Variants in IQCM observed in about 807,000 individuals in gnomAD.
IQCM encodes IQ domain-containing protein M.
Under a neutral mutation model 57.6 loss-of-function variants are expected in IQCM, and 45 were observed. The observed-to-expected ratio is 0.78, with a 90% confidence interval of 0.62 to 1.00. IQCM has a LOEUF of 1.00. IQCM is among the 50% of genes least tolerant of loss of function. IQCM has a pLI of 0.00. For missense variants in IQCM, 468 were observed against 511.6 expected (o/e 0.91, Z 0.82); for synonymous variants, 148 against 158.9 (o/e 0.93, Z 0.51).
intron 12 of IQCM, among the ~76,000 whole-genome samples, chr4:149,459,379 A>C (rs1020016991): frequency 4.6e-5 from 7 of 152,352 alleles, no homozygotes; most frequent in South Asian, 4.1e-4. Flanking sequence ...ACAGTGAAGA[A>C]GTAATTGCAA....
At chr4:149,786,681 T>C (rs1175832680) in intron 2 of IQCM, among the ~76,000 whole-genome samples, 1 of 152,030 alleles carries the variant, frequency 6.6e-6, no homozygotes, top group African/African-American at 2.4e-5. Context: ...CAGGAAACAA[T>C]AGATGCTGGC....
At chr4:149,675,667 G>C (rs778047306) in intron 7 of IQCM, among the ~76,000 whole-genome samples, 3 of 152,020 alleles carry the variant, frequency 2.0e-5, no homozygotes, top group Non-Finnish European at 4.4e-5. Flanking sequence ...TAGGTGTCTT[G>C]TGGAGACTGA....
At chr4:149,482,757 CTT>C (rs1236906809) in intron 12 of IQCM, among the ~76,000 whole-genome samples, 1 of 148,400 alleles carries the variant, frequency 6.7e-6, no homozygotes, top group Non-Finnish European at 1.5e-5. Flanking sequence ...TTTAATGTGT[CTT>C]TGGTTTTGGT....
intron 12 of IQCM, among the ~76,000 whole-genome samples, chr4:149,517,033 TG>T (rs1434639718): frequency 2.8e-5 from 4 of 142,830 alleles, no homozygotes; most frequent in Non-Finnish European, 4.5e-5. Flanking sequence ...TTAAGGTCAA[TG>T]GGAAACTACA....
intron 8 of IQCM, among the ~76,000 whole-genome samples, chr4:149,595,843 C>T (rs983160176): frequency 4.6e-5 from 7 of 152,132 alleles, no homozygotes; most frequent in Admixed American, 3.9e-4. Flanking sequence ...GCCAGACCAG[C>T]CTCCACTTTG....
chr4:149,789,402 T>C (rs1772369472), intron 2 of IQCM, among the ~76,000 whole-genome samples: 2 of 152,210 alleles, frequency 1.3e-5, no homozygotes, highest in African/African-American at 4.8e-5. Context: ...CCCCAATTCC[T>C]TCCAGTATCA....
intron 7 of IQCM, among the ~76,000 whole-genome samples, chr4:149,679,710 C>T (rs1237366323): frequency 6.6e-6 from 1 of 150,978 alleles, no homozygotes; most frequent in African/African-American, 2.4e-5. Flanking sequence ...TTACCATATA[C>T]CCCAGGGAAA....
intron 7 of IQCM, among the ~76,000 whole-genome samples, chr4:149,656,847 C>A (rs1759681326): frequency 1.3e-5 from 2 of 151,934 alleles, no homozygotes; most frequent in South Asian, 4.1e-4. Flanking sequence ...AACTTAACTA[C>A]AAAAAAGTTC....
At chr4:149,373,787 T>C (rs902910260) in intron 13 of IQCM, among the ~76,000 whole-genome samples, 1 of 152,112 alleles carries the variant, frequency 6.6e-6, no homozygotes, top group African/African-American at 2.4e-5. Context: ...GGCCATCTTT[T>C]AGATCTAGAA....
chr4:149,628,544 T>A (rs1757001574), intron 7 of IQCM, among the ~76,000 whole-genome samples: 1 of 151,864 alleles, frequency 6.6e-6, no homozygotes, highest in Admixed American at 6.6e-5. Flanking sequence ...AGATTATAGA[T>A]TAAAGAGCAC....
At chr4:149,703,144 C>A (rs947217754) in intron 5 of IQCM, among the ~76,000 whole-genome samples, 25 of 151,920 alleles carry the variant, frequency 1.6e-4, no homozygotes, top group African/African-American at 6.0e-4. Context: ...TTTACATTTG[C>A]AACTTTCTCT....
At position 149,354,121 on chromosome 4, in the gene IQCM, T is replaced by C. The variant is rs555480255; in HGVS notation, c.1391-2055A>G. On this transcript the variant is annotated intron_variant, in intron 13 of 13. Transcript: ENST00000636793. ...GGCTCACGCCTGTAATCCCAGCACT[T>C]TGGGAGGCCGAGGCGGGTGGATCAC... is the stretch of plus-strand genomic sequence containing the variant. Among the ~76,000 whole-genome samples the C allele has an allele frequency of 2.4e-4, 36 of 151,728 alleles. No individual in the cohort carries two copies. In the East Asian group the frequency reaches 3.1e-3, roughly 13 times the overall value.
chr4:149,490,913 C>T (rs770999157), intron 12 of IQCM, among the ~76,000 whole-genome samples: 41 of 152,116 alleles, frequency 2.7e-4, no homozygotes, highest in Non-Finnish European at 5.0e-4. Context: ...TGACAGTAGC[C>T]TATGAGGAAA....
chr4:149,431,879 T>C (rs763875320), intron 13 of IQCM, among the ~76,000 whole-genome samples: 1 of 151,824 alleles, frequency 6.6e-6, no homozygotes, highest in African/African-American at 2.4e-5. Flanking sequence ...CATTCACCAG[T>C]TGAAGAACAG....
chr4:149,688,242 T>C (rs1762689850), intron 5 of IQCM, among the ~76,000 whole-genome samples: 2 of 151,856 alleles, frequency 1.3e-5, no homozygotes, highest in South Asian at 2.1e-4. Context: ...GATAAAAAAA[T>C]TTCAGCAAAG....
intron 12 of IQCM, among the ~76,000 whole-genome samples, chr4:149,519,968 G>A (rs1200794508): frequency 6.6e-6 from 1 of 152,144 alleles, no homozygotes; most frequent in African/African-American, 2.4e-5. Context: ...TCACGCCACT[G>A]CACTCCAGCC....
intron 2 of IQCM, among the ~76,000 whole-genome samples, chr4:149,759,644 T>C (rs186206068): frequency 4.6e-5 from 7 of 152,206 alleles, no homozygotes; most frequent in African/African-American, 1.7e-4. Flanking sequence ...AAAACTTCTC[T>C]TAAAAAATTA....
At chr4:149,702,239 A>G (rs1189923544) in intron 5 of IQCM, among the ~76,000 whole-genome samples, 1 of 151,490 alleles carries the variant, frequency 6.6e-6, no homozygotes, top group Non-Finnish European at 1.5e-5. Flanking sequence ...TTGTAAAGCA[A>G]TGACACACCT....
At chr4:149,369,949 G>T (rs753549222) in intron 13 of IQCM, among the ~76,000 whole-genome samples, 10 of 152,202 alleles carry the variant, frequency 6.6e-5, no homozygotes, top group Non-Finnish European at 1.3e-4. Context: ...AGGTTGGAGT[G>T]CAGTGGTGCA....
Sources: allele counts gnomAD v4.1 joint callset (sites outside exome capture counted in the v4.1 genomes callset), GRCh38; gene constraint gnomAD v4.1.1; transcripts MANE v1.5; gene names NCBI Gene and HGNC (gene_info 2026-07-23, HGNC 2026-07-21).